The following ABCA5 variants were observed in gnomAD, a reference collection of about 807,000 sequenced individuals.
ABCA5 encodes cholesterol transporter ABCA5.
ABCA5 carries 163 observed loss-of-function variants against 206.0 expected under a neutral mutation model. The ratio of observed to expected loss-of-function variants is 0.79; its 90% CI spans 0.70 to 0.90. The LOEUF is 0.90. Among genes scored for constraint, ABCA5 ranks in the 40% least tolerant of loss-of-function variants. The probability of loss-of-function intolerance (pLI) is 0.00; values close to 1 mark genes in which losing one functional copy is unlikely to be tolerated. For synonymous variants in ABCA5, 609 were observed against 613.8 expected (o/e 0.99, Z 0.11); for missense variants, 1,859 against 1,912.9 (o/e 0.97, Z 0.53).
rs569244140 is a variant in ABCA5 at position 69,279,989 on chromosome 17, TA to T, written c.2393-2148del. On this transcript the variant is annotated intron_variant, in intron 18 of 38. Transcript: ENST00000392676. ...TAGGCATGGGGAAGGACTTCCTGTC[TA>T]AAACACCAAAAGCAATAGCAACAAA... 4.8e-3 allele frequency among the ~76,000 whole-genome samples: 736 copies of T among 152,266 alleles called. 7 individuals carry two copies. Among genetic ancestry groups the T allele is most frequent in the African/African-American group, 0.017 (700 of 41,536 alleles).
At chr17:69,267,310 A>G (rs577023924) in intron 23 of ABCA5, among the ~76,000 whole-genome samples, 6 of 152,354 alleles carry the variant, frequency 3.9e-5, no homozygotes, top group South Asian at 4.1e-4. Flanking sequence ...TTAGAGCAGT[A>G]AGATATAATC....
intron 35 of ABCA5, chr17:69,251,464 T>G (rs530174115): frequency 2.3e-4 from 74 of 321,386 alleles, no homozygotes; most frequent in South Asian, 1.3e-3. Context: ...CATATTTGTG[T>G]TACATAATTA....
chr17:69,262,046 T>C (rs540827855), intron 24 of ABCA5, among the ~76,000 whole-genome samples: 1 of 152,256 alleles, frequency 6.6e-6, no homozygotes, highest in Admixed American at 6.5e-5. Context: ...GAAACTAATA[T>C]ATAAGGTCAT....
In ABCA5 at chr17:69,270,241, C is replaced by G. The variant is rs2075257200; in HGVS notation, c.3030+372G>C. On this transcript the variant is annotated intron_variant, in intron 22 of 38. Transcript: ENST00000392676. Reference sequence around the variant, plus strand: ...TAATCTTGATTCTGATATGTACAATCCAACAGTTCTATCTAGAGGAAAAAT... The same window carrying G: ...TAATCTTGATTCTGATATGTACAATGCAACAGTTCTATCTAGAGGAAAAAT... Among the ~76,000 whole-genome samples the G allele has an allele frequency of 2.0e-5, 3 of 151,914 alleles. No individual in the cohort carries two copies. The South Asian group carries it at 6.2e-4, about 32-fold the overall frequency.
chr17:69,249,463 T>A (rs2074987912), intron 37 of ABCA5: 1 of 157,610 alleles, frequency 6.3e-6, no homozygotes. Context: ...ACTGGAGTCT[T>A]GATAGTGTTG....
At chr17:69,264,954 C>A in intron 23 of ABCA5, 49 bp from the exon 24 acceptor site, 1 of 1,254,098 alleles carries the variant, frequency 8.0e-7, no homozygotes, top group Admixed American at 2.9e-5. Context: ...ACTTTAGAAA[C>A]ACACAAATAA....
chr17:69,299,109 A>G (rs1335183103), intron 9 of ABCA5, among the ~76,000 whole-genome samples: 1 of 152,308 alleles, frequency 6.6e-6, no homozygotes, highest in East Asian at 1.9e-4. Flanking sequence ...CAAAACCACA[A>G]TGTGATACCA....
intron 34 of ABCA5, among the ~76,000 whole-genome samples, chr17:69,252,099 C>T (rs535829174): frequency 6.6e-6 from 1 of 151,278 alleles, no homozygotes; most frequent in East Asian, 2.0e-4. Context: ...GCAAGCTCCA[C>T]CTCCCAGGTT....
intron 23 of ABCA5, among the ~76,000 whole-genome samples, chr17:69,267,405 G>A (rs1299231924): frequency 6.6e-6 from 1 of 152,118 alleles, no homozygotes; most frequent in Non-Finnish European, 1.5e-5. Context: ...AAAAGGGAAA[G>A]GCGTAAAAAG....
At position 69,323,947 on chromosome 17, in the gene ABCA5, TA is replaced by T. The variant is rs1354378548; in HGVS notation, c.-16+3104del. Among the ~76,000 whole-genome samples the T allele has an allele frequency of 2.6e-5, 4 of 152,236 alleles. 1 individual carries two copies. The highest frequency in any genetic ancestry group is 5.9e-5 in the Non-Finnish European group (4 of 68,038). ...TATGAAATTCAAATTTCAGTGTCTA[TA>T]AATACAGTGTTATTGGAACACAGCC... On this transcript the variant is annotated intron_variant, in intron 1 of 38. Transcript: ENST00000392676.
rs1282309665 is a variant in ABCA5 at position 69,293,867 on chromosome 17, T to TGC, written c.1495+787_1495+788insGC. 4.4e-5 allele frequency among the ~76,000 whole-genome samples: 4 copies of TGC among 89,904 alleles called. 1 individual carries two copies. Among genetic ancestry groups the TGC allele is most frequent in the African/African-American group, 1.7e-4 (4 of 23,174 alleles). The allele number at this position is 89,904 out of a possible 152,430, so 59.0% of individuals were successfully genotyped here. A position where few individuals can be genotyped will look rare whatever the true frequency, so the allele number is the denominator to read the frequency against. ...GTGTGTGTGTGTGTGTGTGTGTGTG[T>TGC]GTGTGCGTGTGTGTGTGTTTGTGTG... On this transcript the variant is annotated intron_variant, in intron 11 of 38. Coordinates refer to ENST00000392676, the MANE Select transcript of ABCA5 (RefSeq NM_172232.4).
At chr17:69,290,063 G>A (rs919448893) in intron 12 of ABCA5, 26 bp from the exon 13 acceptor site, 4 of 1,416,630 alleles carry the variant, frequency 2.8e-6, no homozygotes, top group Admixed American at 2.2e-5. Flanking sequence ...ATATTTAAAT[G>A]TACATTAATT....
rs2075348932 is a variant in ABCA5, at chr17:69,277,657, T to G, written c.2578A>C (p.Lys860Gln). Residue 860 changes from lysine to glutamine, a missense_variant, in exon 19 of 39, where the codon AAA becomes CAA. Lys to Gln is a moderately conservative substitution (Grantham distance 53). Coordinates refer to ENST00000392676, the MANE Select transcript of ABCA5 (RefSeq NM_172232.4). ...TATACTTACACTGATCTCACTGATT[T>G]ACTTTCACGTTTCAAGGTAAAGAAA... ...FHFFTLKRESKSVRSVLLLLL... is the reference protein window; with the variant it reads ...FHFFTLKRESQSVRSVLLLLL... The G allele has an allele frequency of 6.2e-7, 1 of 1,610,334 alleles. No individual in the cohort carries two copies. The highest frequency in any genetic ancestry group is 2.2e-5 in the East Asian group (1 of 44,712).
chr17:69,289,357 A>G (rs1346623032), intron 13 of ABCA5, 61 bp from the exon 14 acceptor site: 9 of 1,255,958 alleles, frequency 7.2e-6, no homozygotes, highest in Non-Finnish European at 9.4e-6. Flanking sequence ...ATAATTATCA[A>G]TATTACTTTT....
At chr17:69,271,567 C>G (rs1310349730) in intron 20 of ABCA5, among the ~76,000 whole-genome samples, 1 of 152,090 alleles carries the variant, frequency 6.6e-6, no homozygotes, top group East Asian at 1.9e-4. Context: ...GTAGAGTGAT[C>G]ATCCTGAGAA....
chr17:69,256,344 A>T, intron 28 of ABCA5, 61 bp from the exon 29 acceptor site: 3 of 1,129,034 alleles, frequency 2.7e-6, no homozygotes, highest in Non-Finnish European at 3.6e-6. Context: ...ATAGTAAGAA[A>T]TTCAGATACT....
intron 28 of ABCA5, 125 bp downstream of exon 28, chr17:69,259,581 G>A (rs2144908861): frequency 1.8e-6 from 1 of 554,760 alleles, no homozygotes; most frequent in Non-Finnish European, 3.1e-6. Flanking sequence ...TAAGAAAGTG[G>A]CTGTTAATGG....
At chr17:69,279,426 A>G (rs1459111557) in intron 18 of ABCA5, among the ~76,000 whole-genome samples, 1 of 152,182 alleles carries the variant, frequency 6.6e-6, no homozygotes, top group Non-Finnish European at 1.5e-5. Flanking sequence ...ATGGGTAGGA[A>G]GAACCAATAT....
chr17:69,259,281 T>C (rs1413006253), intron 28 of ABCA5, among the ~76,000 whole-genome samples: 1 of 152,100 alleles, frequency 6.6e-6, no homozygotes, highest in East Asian at 1.9e-4. Flanking sequence ...TAAAACCATA[T>C]GCTAGATACT....
Sources: allele counts gnomAD v4.1 joint callset (sites outside exome capture counted in the v4.1 genomes callset), GRCh38; gene constraint gnomAD v4.1.1; transcripts MANE v1.5; gene names NCBI Gene and HGNC (gene_info 2026-07-23, HGNC 2026-07-21).